The following SPIC variants were observed in gnomAD, a reference collection of about 807,000 sequenced individuals.
SPIC encodes transcription factor Spi-C.
SPIC carries 9 observed loss-of-function variants against 16.7 expected under a neutral mutation model. The observed-to-expected ratio is 0.54, with a 90% CI of 0.33 to 0.94. The LOEUF (loss-of-function observed/expected upper bound fraction) is 0.94, where lower values mean the gene tolerates loss of function less well. Ranked by LOEUF, SPIC falls within the 40% of genes least tolerant of loss-of-function variation. The pLI, the probability that SPIC is intolerant of heterozygous loss-of-function variation, is 0.03. For missense variants in SPIC, 241 were observed against 285.8 expected, an observed-to-expected ratio of 0.84 and a Z score of 1.13; for synonymous variants, 97 against 102.9, an observed-to-expected ratio of 0.94 and a Z score of 0.35.
At chr12:101,478,800 G>A (rs550267170) in intron 3 of SPIC, among the ~76,000 whole-genome samples, 3 of 152,222 alleles carry the variant, frequency 2.0e-5, no homozygotes, top group Admixed American at 6.6e-5. Context: ...AATATGTTAT[G>A]TATTAAGTTT....
chr12:101,477,051 C>T (rs544220465), intron 2 of SPIC, 144 bp downstream of exon 2: 2 of 447,126 alleles, frequency 4.5e-6, no homozygotes. Flanking sequence ...AAATAGTTTG[C>T]AAAGCAATTC....
At chr12:101,483,014 C>A in intron 5 of SPIC, 114 bp downstream of exon 5, 1 of 861,430 alleles carries the variant, frequency 1.2e-6, no homozygotes, top group Non-Finnish European at 1.8e-6. Flanking sequence ...ATTCTTTTAT[C>A]ACATTTGAGA....
intron 5 of SPIC, among the ~76,000 whole-genome samples, chr12:101,483,530 G>A (rs779893627): frequency 4.6e-5 from 7 of 152,054 alleles, no homozygotes; most frequent in Non-Finnish European, 1.0e-4. Flanking sequence ...AAATTAAGTA[G>A]AAGGAGTACA....
At position 101,479,307 on chromosome 12, in the gene SPIC, A is replaced by AGAAAAAAGAAAG. The variant is rs1555209046; in HGVS notation, c.98-275_98-274insGAAAAAAGAAAG. 9.1e-5 allele frequency among the ~76,000 whole-genome samples: 8 copies of AGAAAAAAGAAAG among 88,166 alleles called. 1 individual carries two copies. The highest frequency in any genetic ancestry group is 6.9e-4 in the East Asian group (2 of 2,918). 57.8% of individuals were successfully genotyped at this position (88,166 alleles called of 152,430 possible). A position where few individuals can be genotyped will look rare whatever the true frequency, so the allele number is the denominator to read the frequency against. On this transcript the variant is annotated intron_variant, in intron 3 of 5. Transcript: ENST00000551346. ...GAAAAAGAAAGAAAGAAAGAAAGAA[A>AGAAAAAAGAAAG]AAAGAAAGAAAGAAAGAAAGAAAGA... is the stretch of plus-strand genomic sequence containing the variant.
chr12:101,477,054 A>G (rs1340168530), intron 2 of SPIC, 147 bp downstream of exon 2: 1 of 451,184 alleles, frequency 2.2e-6, no homozygotes, highest in African/African-American at 2.0e-5. Context: ...TAGTTTGCAA[A>G]GCAATTCAAT....
chr12:101,480,283 G>A (rs1181369947), intron 4 of SPIC, among the ~76,000 whole-genome samples: 1 of 152,184 alleles, frequency 6.6e-6, no homozygotes, highest in Non-Finnish European at 1.5e-5. Context: ...GTTAATATCA[G>A]TTGCTTCTCC....
chr12:101,478,563 A>C (rs10860740), intron 3 of SPIC, among the ~76,000 whole-genome samples: 60,272 of 152,006 alleles, frequency 0.4, 13,897 homozygotes, highest in Middle Eastern at 0.56. Flanking sequence ...GACATTCCAC[A>C]CAGAAATACA....
rs756524477 is a variant in SPIC, at chr12:101,486,737, C to A, written c.713C>A (p.Ala238Asp). 1 of 1,589,888 alleles carries A rather than the reference C, an allele frequency of 6.3e-7. No homozygotes were observed. The highest frequency in any genetic ancestry group is 1.1e-5 in the South Asian group (1 of 88,190). Residue 238 changes from alanine to aspartate, a missense_variant, in exon 6 of 6, where the codon GCC becomes GAC. By Grantham distance (126) the Ala-to-Asp change is moderately radical. Transcript: ENST00000551346. ...NWNANYNYTY[A>D]NYHELNHHDC ...AATGCAAATTATAATTATACATATG[C>A]CAATTACCATGAGCTAAATCACCAT...
intron 3 of SPIC, 136 bp from the exon 4 acceptor site, chr12:101,479,446 C>A: frequency 1.6e-6 from 1 of 612,526 alleles, no homozygotes; most frequent in Non-Finnish European, 2.9e-6. Context: ...AGATAAACAC[C>A]ACAGGAGAAG....
At chr12:101,483,561 A>G (rs1261809175) in intron 5 of SPIC, among the ~76,000 whole-genome samples, 1 of 152,128 alleles carries the variant, frequency 6.6e-6, no homozygotes, top group Non-Finnish European at 1.5e-5. Context: ...ATGATAAAAC[A>G]TATATACAGT....
chr12:101,479,549 C>A, intron 3 of SPIC, 33 bp from the exon 4 acceptor site: 1 of 1,564,176 alleles, frequency 6.4e-7, no homozygotes, highest in Non-Finnish European at 8.8e-7. Flanking sequence ...CAAACTTTGA[C>A]TTTTTTAGTT....
chr12:101,482,232 C>CA (rs563196977), intron 4 of SPIC, among the ~76,000 whole-genome samples: 7,958 of 131,154 alleles, frequency 0.061, 250 homozygotes, highest in African/African-American at 0.097. Context: ...AACTCTGTCT[C>CA]AAAAAAAAAA....
intron 1 of SPIC, among the ~76,000 whole-genome samples, chr12:101,475,888 C>A (rs958597374): frequency 7.2e-5 from 11 of 151,982 alleles, no homozygotes; most frequent in Admixed American, 5.9e-4. Context: ...CTTCTATTTT[C>A]TTTTAACTGA....
At chr12:101,482,737 A>G in intron 4 of SPIC, 55 bp from the exon 5 acceptor site, 2 of 1,529,744 alleles carry the variant, frequency 1.3e-6, no homozygotes. Flanking sequence ...TTCAGCCTAT[A>G]ATAGGGGGCA....
At chr12:101,482,017 T>C (rs1350870794) in intron 4 of SPIC, among the ~76,000 whole-genome samples, 139 of 137,602 alleles carry the variant, frequency 1.0e-3, no homozygotes, top group African/African-American at 2.7e-3. Flanking sequence ...CCGAGGCAGG[T>C]GGATCGCCTG....
chr12:101,483,086 G>GTTT (rs58442228), intron 5 of SPIC, among the ~76,000 whole-genome samples, 186 bp downstream of exon 5: 47,427 of 128,758 alleles, frequency 0.37, 11,117 homozygotes, highest in Middle Eastern at 0.53. Flanking sequence ...GACTTCCTGT[G>GTTT]TTTTTTTTTT....
intron 2 of SPIC, 118 bp from the exon 3 acceptor site, chr12:101,477,440 A>G (rs1177935931): frequency 3.3e-6 from 3 of 918,718 alleles, no homozygotes; most frequent in Non-Finnish European, 5.1e-6. Context: ...GCCAACACCA[A>G]ATGCCCATAG....
intron 3 of SPIC, among the ~76,000 whole-genome samples, chr12:101,479,171 A>T (rs1565830992): frequency 1.1e-5 from 1 of 92,368 alleles, no homozygotes; most frequent in South Asian, 4.0e-4. Flanking sequence ...AGAAAGAAAG[A>T]AAAAGAAAGA....
chr12:101,479,353 AAG>A (rs1383959658), intron 3 of SPIC, among the ~76,000 whole-genome samples: 1 of 151,688 alleles, frequency 6.6e-6, no homozygotes, highest in African/African-American at 2.4e-5. Context: ...GAAAGAAAGA[AAG>A]AAATCATGCG....
Sources: allele counts gnomAD v4.1 joint callset (sites outside exome capture counted in the v4.1 genomes callset), GRCh38; gene constraint gnomAD v4.1.1; transcripts MANE v1.5; gene names NCBI Gene and HGNC (gene_info 2026-07-23, HGNC 2026-07-21).